NRXN3: variants seen among roughly 807,000 people sequenced by gnomAD.
The protein encoded by NRXN3 is neurexin 3, also known as neurexin III.
Under a neutral mutation model 137.6 loss-of-function variants are expected in NRXN3, and 32 were observed. The ratio of observed to expected loss-of-function variants is 0.23; its 90% confidence interval spans 0.18 to 0.31. The LOEUF is 0.31. Ranked by LOEUF, NRXN3 falls within the 10% of genes least tolerant of loss-of-function variation. NRXN3 has a pLI of 1.00. For synonymous variants in NRXN3, 798 were observed against 784.5 expected (o/e 1.02, Z -0.29); for missense variants, 1,574 against 2,062.5 (o/e 0.76, Z 4.59).
chr14:79,317,112 A>T (rs1566779449), intron 15 of NRXN3, among the ~76,000 whole-genome samples: 1 of 152,008 alleles, frequency 6.6e-6, no homozygotes, highest in Non-Finnish European at 1.5e-5. Flanking sequence ...GGTGCCTGTA[A>T]TCCCAGCTAC....
chr14:78,371,915 G>A (rs1425492071), intron 4 of NRXN3, among the ~76,000 whole-genome samples: 4 of 152,122 alleles, frequency 2.6e-5, no homozygotes, highest in African/African-American at 9.7e-5. Flanking sequence ...ACAGGCACTA[G>A]TATTATCCCC....
chr14:78,795,938 C>T (rs1368488520), intron 8 of NRXN3, among the ~76,000 whole-genome samples: 5 of 152,156 alleles, frequency 3.3e-5, no homozygotes, highest in African/African-American at 4.8e-5. Context: ...AGCTGCCATC[C>T]GCTAGCTCAC....
chr14:79,346,926 G>A (rs2092917226), intron 15 of NRXN3, among the ~76,000 whole-genome samples: 1 of 152,092 alleles, frequency 6.6e-6, no homozygotes, highest in African/African-American at 2.4e-5. Context: ...CACCTCGTAG[G>A]CTCTCAATAA....
chr14:78,715,171 CCTGAGTGGGG>C (rs1329403673), intron 8 of NRXN3, 32 bp downstream of exon 8: 1 of 1,588,536 alleles, frequency 6.3e-7, no homozygotes, highest in African/African-American at 1.3e-5. Context: ...CAAGTGAGGG[CCTGAGTGGGG>C]CTGATGTGTT....
At chr14:78,190,513 C>G (rs2060615106) in intron 1 of NRXN3, among the ~76,000 whole-genome samples, 1 of 152,124 alleles carries the variant, frequency 6.6e-6, no homozygotes, top group Non-Finnish European at 1.5e-5. Flanking sequence ...ATGAGCATAT[C>G]ATTGAGGAAG....
chr14:79,473,327 G>A (rs1276348537), intron 16 of NRXN3, among the ~76,000 whole-genome samples: 2 of 151,952 alleles, frequency 1.3e-5, no homozygotes, highest in Non-Finnish European at 2.9e-5. Context: ...ATAGTTTATA[G>A]CACCCAACGA....
chr14:79,031,509 G>C lies in NRXN3; in HGVS notation c.3262+43368G>C, dbSNP rs1205797224. ...TGCAAAGTACCTGACTTTTCCCTTGGTTCCTAAAGAATTTCGAAACAAAAT... is the reference window on the plus strand; with the variant it reads ...TGCAAAGTACCTGACTTTTCCCTTGCTTCCTAAAGAATTTCGAAACAAAAT... On this transcript the variant is annotated intron_variant, in intron 15 of 20. Coordinates refer to ENST00000335750, the MANE Select transcript of NRXN3 (RefSeq NM_001330195.2). 2.6e-5 allele frequency among the ~76,000 whole-genome samples: 4 copies of C among 152,146 alleles called. No homozygotes were observed. The East Asian group carries it at 7.8e-4, about 30-fold the overall frequency.
intron 19 of NRXN3, among the ~76,000 whole-genome samples, chr14:79,702,452 T>C (rs969008782): frequency 6.6e-6 from 1 of 152,020 alleles, no homozygotes; most frequent in Admixed American, 6.6e-5. Context: ...CTCATTCTAC[T>C]AGGCCTTGTT....
At chr14:78,496,798 G>A (rs1599479845) in intron 4 of NRXN3, among the ~76,000 whole-genome samples, 1 of 152,110 alleles carries the variant, frequency 6.6e-6, no homozygotes, top group African/African-American at 2.4e-5. Context: ...AGGCCAGTAC[G>A]TCTGGAATGC....
chr14:78,486,982 C>G (rs904923547), intron 4 of NRXN3, among the ~76,000 whole-genome samples: 21 of 152,260 alleles, frequency 1.4e-4, no homozygotes, highest in African/African-American at 4.8e-4. Context: ...TGAATGAGAC[C>G]TATAAGAATC....
At position 78,337,752 on chromosome 14, in the gene NRXN3, G is replaced by A. The variant is rs149362622; in HGVS notation, c.757+39892G>A. ...ACATTCCTAAAGCTCTGAGAAGGCC[G>A]TATATATAGTACTGATATTGTTCTC... is the stretch of plus-strand genomic sequence containing the variant. On this transcript the variant is annotated intron_variant, in intron 4 of 20. Coordinates refer to ENST00000335750, the MANE Select transcript of NRXN3 (RefSeq NM_001330195.2). 5.0e-3 allele frequency among the ~76,000 whole-genome samples: 761 copies of A among 152,272 alleles called. 9 individuals are homozygous for A. Among genetic ancestry groups the A allele is most frequent in the African/African-American group, 0.017 (719 of 41,554 alleles).
intron 10 of NRXN3, among the ~76,000 whole-genome samples, chr14:78,848,314 C>T (rs1443789389): frequency 1.3e-5 from 2 of 152,094 alleles, no homozygotes; most frequent in Non-Finnish European, 2.9e-5. Context: ...CATGTTCTGA[C>T]ACAGGTGGCA....
intron 14 of NRXN3, among the ~76,000 whole-genome samples, chr14:78,971,434 A>G (rs1259205380): frequency 6.7e-6 from 1 of 148,802 alleles, no homozygotes; most frequent in African/African-American, 2.5e-5. Flanking sequence ...ACATATATAT[A>G]TATATATACA....
At chr14:79,798,625 C>T (rs2099167873) in intron 19 of NRXN3, among the ~76,000 whole-genome samples, 1 of 152,114 alleles carries the variant, frequency 6.6e-6, no homozygotes, top group Non-Finnish European at 1.5e-5. Flanking sequence ...TACTAAATCT[C>T]AAATAACTGT....
At chr14:79,321,498 A>T (rs2090010456) in intron 15 of NRXN3, among the ~76,000 whole-genome samples, 1 of 152,144 alleles carries the variant, frequency 6.6e-6, no homozygotes, top group East Asian at 1.9e-4. Flanking sequence ...TAAAATAAGG[A>T]CATTCTATTT....
intron 16 of NRXN3, among the ~76,000 whole-genome samples, chr14:79,651,749 CTG>C (rs1373894928): frequency 6.6e-6 from 1 of 152,174 alleles, no homozygotes; most frequent in African/African-American, 2.4e-5. Context: ...GCAGAGAAAA[CTG>C]TCTTCTCCAG....
intron 15 of NRXN3, among the ~76,000 whole-genome samples, chr14:79,157,176 G>T (rs1253435128): frequency 6.6e-6 from 1 of 151,546 alleles, no homozygotes; most frequent in Non-Finnish European, 1.5e-5. Context: ...GAACCCTTTG[G>T]GTCTTAATAA....
At chr14:78,984,735 G>A (rs2153056877) in intron 14 of NRXN3, among the ~76,000 whole-genome samples, 1 of 152,282 alleles carries the variant, frequency 6.6e-6, no homozygotes, top group South Asian at 2.1e-4. Context: ...TTTCTCATAA[G>A]CTTCCAGGAG....
chr14:78,308,503 T>G (rs1391322586), intron 4 of NRXN3, among the ~76,000 whole-genome samples: 1 of 152,134 alleles, frequency 6.6e-6, no homozygotes, highest in African/African-American at 2.4e-5. Context: ...GATTTTATAT[T>G]TTAGCACAGA....
Sources: gnomAD v4.1 joint callset for allele counts (sites outside exome capture counted in the v4.1 genomes callset) on GRCh38, gnomAD v4.1.1 for gene constraint, MANE v1.5 for transcripts, NCBI Gene and HGNC (gene_info 2026-07-23, HGNC 2026-07-21) for gene names.